NPC1: variants seen among roughly 807,000 people sequenced by gnomAD.
NPC1 encodes the protein NPC intracellular cholesterol transporter 1, also known as Niemann-Pick C1 protein.
NPC1 carries 85 observed loss-of-function variants against 140.4 expected under a neutral mutation model. That is an observed-to-expected ratio of 0.61 (90% CI 0.51 to 0.72). The LOEUF (loss-of-function observed/expected upper bound fraction) is 0.72. Among genes scored for constraint, NPC1 ranks in the 30% least tolerant of loss-of-function variants. The pLI is 0.00. For synonymous variants in NPC1, 656 were observed against 624.8 expected, an observed-to-expected ratio of 1.05 and a Z score of -0.74; for missense variants, 1,504 against 1,623.8, an observed-to-expected ratio of 0.93 and a Z score of 1.27.
chr18:23,546,194 A>T (rs1371213888), intron 11 of NPC1, among the ~76,000 whole-genome samples: 2 of 134,840 alleles, frequency 1.5e-5, no homozygotes, highest in Non-Finnish European at 3.1e-5. Context: ...GGCTGCAGCG[A>T]GCTGAGATCA....
downstream of NPC1, among the ~76,000 whole-genome samples, chr18:23,526,413 G>T (rs2058299113): frequency 6.6e-6 from 1 of 152,330 alleles, no homozygotes; most frequent in East Asian, 1.9e-4. Flanking sequence ...AGTCAGCCAG[G>T]TGTGCGGTGG....
chr18:23,549,602 G>A (rs891980104), intron 10 of NPC1, among the ~76,000 whole-genome samples: 7 of 151,400 alleles, frequency 4.6e-5, no homozygotes, highest in South Asian at 4.3e-4. Flanking sequence ...TCACACCACC[G>A]CACTCCAGCC....
At chr18:23,576,417 GT>G (rs2059280275) in intron 1 of NPC1, 1 of 939,968 alleles carries the variant, frequency 1.1e-6, no homozygotes, top group Non-Finnish European at 1.3e-6. Flanking sequence ...GTGAAAACTG[GT>G]CTCAAAAAAA....
intron 21 of NPC1, among the ~76,000 whole-genome samples, chr18:23,536,038 C>T (rs2058625447): frequency 6.6e-6 from 1 of 152,216 alleles, no homozygotes; most frequent in Non-Finnish European, 1.5e-5. Context: ...TATCCTGAGA[C>T]ACTACCTCAG....
intron 1 of NPC1, among the ~76,000 whole-genome samples, chr18:23,580,410 C>G (rs1469423439): frequency 1.3e-5 from 2 of 152,196 alleles, no homozygotes; most frequent in South Asian, 2.1e-4. Flanking sequence ...TGATCCTATA[C>G]AAGTGTTCCT....
chr18:23,558,234 T>C (rs60100829), intron 6 of NPC1, among the ~76,000 whole-genome samples: 5,833 of 152,258 alleles, frequency 0.038, 343 homozygotes, highest in African/African-American at 0.13. Flanking sequence ...TCTCAAAGCA[T>C]CTTCCCCCAA....
At position 23,556,455 on chromosome 18, in the gene NPC1, G is replaced by A. The variant is rs1346436537; in HGVS notation, c.1114C>T (p.Arg372Trp). The change falls in exon 8 of 25, where the codon CGG becomes TGG. Residue 372 changes from arginine (R) to tryptophan (W), a missense_variant. Coordinates refer to ENST00000269228, the MANE Select transcript of NPC1 (RefSeq NM_000271.5). ...AGGTCAACTGGATTGGTTGTGACCC[G>A]GACAAACACCAGGCCTGACGAACAC... Reference protein sequence around the residue: ...TACSSGLVFVRVTTNPVDLWS... With the variant: ...TACSSGLVFVWVTTNPVDLWS... The A allele has an allele frequency of 8.7e-6, 14 of 1,614,112 alleles. No individual in the cohort carries two copies. The highest frequency in any genetic ancestry group is 1.6e-4 in the Middle Eastern group (1 of 6,062).
intron 6 of NPC1, 55 bp downstream of exon 6, chr18:23,560,176 G>T (rs1286697749): frequency 2.5e-6 from 4 of 1,609,598 alleles, no homozygotes; most frequent in South Asian, 1.1e-5. Context: ...AAAGCTCAAA[G>T]TGCCAGTGGG....
chr18:23,507,354 G>A (rs1008276576), intron 3 of NPC1, among the ~76,000 whole-genome samples: 4 of 152,070 alleles, frequency 2.6e-5, no homozygotes, highest in Non-Finnish European at 5.9e-5. Flanking sequence ...CGATCTCTCA[G>A]GCTCAAGTGA....
At chr18:23,577,532 C>T (rs1442691727) in intron 1 of NPC1, among the ~76,000 whole-genome samples, 4 of 152,158 alleles carry the variant, frequency 2.6e-5, no homozygotes, top group Non-Finnish European at 5.9e-5. Flanking sequence ...AGACTCTCCA[C>T]GTCCCCACCA....
chr18:23,533,584 T>TA (rs1265649308), intron 23 of NPC1, 67 bp from the exon 24 acceptor site: 2 of 1,472,288 alleles, frequency 1.4e-6, no homozygotes, highest in East Asian at 4.5e-5. Context: ...AACACTTCCT[T>TA]ACAAGGATTT....
chr18:23,523,543 C>CAAAAAAA (rs374224848), intron 1 of NPC1, among the ~76,000 whole-genome samples: 32 of 76,370 alleles, frequency 4.2e-4, no homozygotes, highest in East Asian at 5.3e-4. Flanking sequence ...CTTGTCTTCA[C>CAAAAAAA]AAAAAAAAAA....
chr18:23,557,694 A>T (rs1317423646), intron 6 of NPC1, among the ~76,000 whole-genome samples: 1 of 152,200 alleles, frequency 6.6e-6, no homozygotes, highest in African/African-American at 2.4e-5. Context: ...GTGAGCTGAG[A>T]TCGCGCCACT....
rs766328496 is a variant in NPC1 at position 23,539,825 on chromosome 18, C to T, written c.2781G>A (p.Ala927=). 2.0e-5 allele frequency: 33 copies of T among 1,614,050 alleles called. No homozygotes were observed. Among genetic ancestry groups the T allele is most frequent in the South Asian group, 4.4e-5 (4 of 91,086 alleles). ...DSLVQQIFNA[A]QLDNYTRIGF... Reference sequence around the variant, plus strand: ...GTGGTACTGACTAGTTGTCCAGCTGCGCCGCGTTAAATATCTGCTGCACCA... The same window carrying T: ...GTGGTACTGACTAGTTGTCCAGCTGTGCCGCGTTAAATATCTGCTGCACCA... Residue 927 remains alanine (A), a synonymous_variant, in exon 18 of 25, where the codon GCG becomes GCA. Transcript: ENST00000269228.
At chr18:23,559,812 T>TGCAG (rs1262315401) in intron 6 of NPC1, among the ~76,000 whole-genome samples, 1 of 152,090 alleles carries the variant, frequency 6.6e-6, no homozygotes, top group Non-Finnish European at 1.5e-5. Context: ...TAGTCAGGCA[T>TGCAG]GCAGGCATGG....
chr18:23,506,610 T>TG lies in NPC1; in HGVS notation c.463dup (p.Ile156HisfsTer43), dbSNP rs1345140744. ...GTTGCATAATGAATGTGCTGTGAGA[T>TG]GCACAAGTAGATAGTTCTTTCCAGA... On this transcript the variant is annotated frameshift_variant, in exon 4 of 4. Transcript: ENST00000591107. LOFTEE classifies it low-confidence loss of function (END_TRUNC). The TG allele has an allele frequency of 4.1e-6, 1 of 242,180 alleles. No homozygotes were observed. The highest frequency in any genetic ancestry group is 8.1e-6 in the Non-Finnish European group (1 of 123,082). 15.0% of individuals were successfully genotyped at this position (242,180 alleles called of 1,614,324 possible). A position where few individuals can be genotyped will look rare whatever the true frequency, so the allele number is the denominator to read the frequency against.
intron 10 of NPC1, among the ~76,000 whole-genome samples, chr18:23,550,145 G>C (rs1227945161): frequency 1.3e-5 from 2 of 151,868 alleles, no homozygotes; most frequent in Non-Finnish European, 2.9e-5. Flanking sequence ...CCGAGTAGCT[G>C]GGACTACAAG....
At chr18:23,520,466 TTTG>T (rs899454741), downstream of NPC1, among the ~76,000 whole-genome samples, 9 of 152,092 alleles carry the variant, frequency 5.9e-5, no homozygotes, top group African/African-American at 2.2e-4. Flanking sequence ...TTGTTCCAGT[TTTG>T]TTGTTGTTTT....
At position 23,565,281 on chromosome 18, in the gene NPC1, T is replaced by C. The variant is rs529550881; in HGVS notation, c.463+3542A>G. Among the ~76,000 whole-genome samples the C allele has an allele frequency of 5.9e-5, 9 of 152,364 alleles. No individual in the cohort carries two copies. The South Asian group carries it at 1.9e-3, about 32-fold the overall frequency. On this transcript the variant is annotated intron_variant, in intron 4 of 24. Transcript: ENST00000269228. ...ATCTAAACAATATTAAGTCTTTTGA[T>C]TGATAAACATGGAATGTCTTTCCAT...
Sources: gnomAD v4.1 joint callset for allele counts (sites outside exome capture counted in the v4.1 genomes callset) on GRCh38, gnomAD v4.1.1 for gene constraint, MANE v1.5 for transcripts, NCBI Gene and HGNC (gene_info 2026-07-23, HGNC 2026-07-21) for gene names.